Variants in LCP2 observed in about 807,000 individuals in gnomAD.
LCP2 encodes lymphocyte cytosolic protein 2, also known as 76 kDa tyrosine phosphoprotein.
A neutral mutation model predicts 74.5 loss-of-function variants in LCP2; 29 were observed. The observed-to-expected ratio is 0.39, with a 90% CI of 0.29 to 0.53. The LOEUF (loss-of-function observed/expected upper bound fraction) is 0.53. Ranked by LOEUF, LCP2 falls within the 20% of genes least tolerant of loss-of-function variation. The pLI is 0.72. For missense variants in LCP2, 604 were observed against 634.6 expected (o/e 0.95, Z 0.52); for synonymous variants, 228 against 229.5 (o/e 0.99, Z 0.06).
Position 170,261,106 on chromosome 5 carries a change from C to G in LCP2, c.957+1G>C. ...CTTACAAACTGACATTTTGTACTTA[C>G]ATTCTCTCTTCTGTCTGGTCCCCAT... is the stretch of plus-strand genomic sequence containing the variant. On this transcript the variant is annotated splice_donor_variant, in intron 14 of 20. Coordinates refer to ENST00000046794, the MANE Select transcript of LCP2 (RefSeq NM_005565.5). LOFTEE classifies it high-confidence loss of function. 1 of 1,600,402 alleles carries G rather than the reference C, an allele frequency of 6.2e-7. No individual in the cohort carries two copies. The highest frequency in any genetic ancestry group is 1.1e-5 in the South Asian group (1 of 90,602).
At chr5:170,285,933 C>T (rs530504530) in intron 3 of LCP2, among the ~76,000 whole-genome samples, 101 of 152,338 alleles carry the variant, frequency 6.6e-4, no homozygotes, top group Non-Finnish European at 1.2e-3. Context: ...CAGCACTGTG[C>T]TCCCTGCTCC....
chr5:170,287,928 C>T, intron 3 of LCP2, 42 bp downstream of exon 3: 2 of 1,590,428 alleles, frequency 1.3e-6, no homozygotes, highest in Non-Finnish European at 1.7e-6. Flanking sequence ...CCCATTCCCA[C>T]CTCTGCTCCC....
chr5:170,274,286 C>A lies in LCP2; in HGVS notation c.324+15G>T, dbSNP rs1315124209. 1.2e-6 allele frequency: 2 copies of A among 1,612,630 alleles called. No individual in the cohort carries two copies. The highest frequency in any genetic ancestry group is 1.7e-6 in the Non-Finnish European group (2 of 1,179,356). On this transcript the variant is annotated intron_variant, in intron 6 of 20. Transcript: ENST00000046794. ...ACTGCTGTAAAGGTGCAAGAACAGC[C>A]CACACCATACTCACAAAGGACGACC... is the stretch of plus-strand genomic sequence containing the variant.
At chr5:170,257,154 C>T (rs1401935300) in intron 16 of LCP2, among the ~76,000 whole-genome samples, 1 of 152,152 alleles carries the variant, frequency 6.6e-6, no homozygotes, top group Non-Finnish European at 1.5e-5. Flanking sequence ...TCAGTCTAAA[C>T]CTTTGGGAAA....
chr5:170,258,886 G>T lies in LCP2; in HGVS notation c.958-8C>A. The T allele has an allele frequency of 2.5e-6, 4 of 1,572,910 alleles. No individual in the cohort carries two copies. Among genetic ancestry groups the T allele is most frequent in the Non-Finnish European group, 1.7e-6 (2 of 1,151,828 alleles). ...CATACCATCATCTTCATCCTGGGAA[G>T]GGGAAGAAAAAAAAAGATATTAAGC... On this transcript the variant is annotated splice_region_variant and splice_polypyrimidine_tract_variant and intron_variant, in intron 14 of 20. Transcript: ENST00000046794.
intron 1 of LCP2, among the ~76,000 whole-genome samples, chr5:170,294,541 G>A (rs1762339665): frequency 2.0e-5 from 3 of 152,276 alleles, no homozygotes; most frequent in South Asian, 4.1e-4. Flanking sequence ...TTCTCACAAG[G>A]GTGGGCCTCA....
chr5:170,293,702 C>G (rs554245560), intron 1 of LCP2, among the ~76,000 whole-genome samples: 5 of 152,224 alleles, frequency 3.3e-5, no homozygotes, highest in African/African-American at 1.2e-4. Context: ...TCCATTGTCT[C>G]GATGCCCAGA....
chr5:170,251,755 G>C, intron 19 of LCP2: 1 of 432,002 alleles, frequency 2.3e-6, no homozygotes, highest in Admixed American at 2.4e-5. Flanking sequence ...AAGACTCCCA[G>C]AGCTGACACA....
intron 1 of LCP2, among the ~76,000 whole-genome samples, chr5:170,293,952 A>G (rs942868789): frequency 1.3e-5 from 2 of 152,240 alleles, no homozygotes; most frequent in African/African-American, 4.8e-5. Flanking sequence ...TGCTGTTTCA[A>G]TAATGATAAT....
At chr5:170,282,457 C>T (rs1168500962) in intron 3 of LCP2, among the ~76,000 whole-genome samples, 1 of 152,208 alleles carries the variant, frequency 6.6e-6, no homozygotes, top group Non-Finnish European at 1.5e-5. Context: ...GACAAGGAAG[C>T]TGAGGCTCTG....
intron 8 of LCP2, 109 bp from the exon 9 acceptor site, chr5:170,267,184 T>A: frequency 9.1e-7 from 1 of 1,095,302 alleles, no homozygotes; most frequent in Non-Finnish European, 1.4e-6. Flanking sequence ...ATGTTCTGCC[T>A]ACAAACATCC....
At chr5:170,285,001 T>G (rs1762161074) in intron 3 of LCP2, among the ~76,000 whole-genome samples, 1 of 152,212 alleles carries the variant, frequency 6.6e-6, no homozygotes, top group African/African-American at 2.4e-5. Context: ...TCCACCCACC[T>G]CAGCCTCCCA....
At position 170,256,264 on chromosome 5, in the gene LCP2, A is replaced by ATG. The variant is rs536421535; in HGVS notation, c.1150+260_1150+261dup. Among the ~76,000 whole-genome samples the ATG allele has an allele frequency of 3.9e-5, 6 of 151,982 alleles. No homozygotes were observed. Among genetic ancestry groups the ATG allele is most frequent in the South Asian group, 2.1e-4 (1 of 4,830 alleles). The stretch of plus-strand genomic sequence containing the variant: ...TGTATATATGTGTACATGTGTATGC[A>ATG]TGTGTGTGTGTGCATGTATATGTGC... On this transcript the variant is annotated intron_variant, in intron 17 of 20. Transcript: ENST00000046794. This position sits in a 1 kb window ranked among gnomAD's most constrained non-coding sequence, Gnocchi z 4.5.
chr5:170,255,879 T>C (rs1432065864), intron 17 of LCP2, among the ~76,000 whole-genome samples: 1 of 152,214 alleles, frequency 6.6e-6, no homozygotes, highest in African/African-American at 2.4e-5. Context: ...CGAATACTAA[T>C]CATGGACGTC....
intron 3 of LCP2, among the ~76,000 whole-genome samples, chr5:170,280,123 G>A (rs1460646156): frequency 1.3e-5 from 2 of 152,080 alleles, no homozygotes; most frequent in African/African-American, 4.8e-5. Flanking sequence ...ATGATGTAGA[G>A]CGCATTCTTG....
intron 10 of LCP2, among the ~76,000 whole-genome samples, chr5:170,265,896 C>T (rs1051056617): frequency 1.3e-5 from 2 of 152,180 alleles, no homozygotes; most frequent in African/African-American, 4.8e-5. Context: ...CAAGTTAAAA[C>T]CCAGGGTCCT....
Position 170,262,688 on chromosome 5 carries a change from C to T in LCP2, c.873G>A (p.Thr291=), listed in dbSNP as rs746062837. 5.6e-6 allele frequency: 9 copies of T among 1,613,868 alleles called. No individual in the cohort carries two copies. The highest frequency in any genetic ancestry group is 3.3e-5 in the South Asian group (3 of 91,088). ...GGGGGCTGCTCCTTTCATGTCTTTC[C>T]GTGGTCGGTGGTAAAGGAGGCTTTT... ...KIQKPPLPPT[T]ERHERSSPLP... is the part of the protein sequence containing the mutation. Residue 291 remains threonine (T), a synonymous_variant, in exon 13 of 21, where the codon ACG becomes ACA. Coordinates refer to ENST00000046794, the MANE Select transcript of LCP2 (RefSeq NM_005565.5).
chr5:170,288,913 T>C (rs181091749), intron 2 of LCP2, among the ~76,000 whole-genome samples: 9 of 152,222 alleles, frequency 5.9e-5, no homozygotes, highest in Admixed American at 5.9e-4. Flanking sequence ...CATGTCAGAA[T>C]TGGGAGCAGA....
intron 5 of LCP2, 109 bp downstream of exon 5, chr5:170,275,211 A>C: frequency 8.4e-7 from 1 of 1,188,192 alleles, no homozygotes; most frequent in Admixed American, 1.8e-5. Flanking sequence ...CAGACAAGTC[A>C]GTAAGGTCAC....
Sources: allele counts gnomAD v4.1 joint callset (sites outside exome capture counted in the v4.1 genomes callset), GRCh38; gene constraint gnomAD v4.1.1; non-coding constraint Gnocchi (gnomAD v3.1); transcripts MANE v1.5; gene names NCBI Gene and HGNC (gene_info 2026-07-23, HGNC 2026-07-21).